GIMD1: variants seen among roughly 807,000 people sequenced by gnomAD.
GIMD1 encodes the protein GTPase IMAP family member GIMD1.
In GIMD1, 14 loss-of-function variants were observed where a neutral mutation model predicts 14.9. The observed-to-expected ratio is 0.94, with a 90% CI of 0.62 to 1.47. GIMD1 has a LOEUF of 1.47. Ranked by LOEUF, GIMD1 falls within the 40% of genes most tolerant of loss-of-function variation. GIMD1 has a pLI of 0.00. For missense variants in GIMD1, 272 were observed against 255.3 expected (o/e 1.07, Z -0.44); for synonymous variants, 91 against 90.5 (o/e 1.01, Z -0.03).
At chr4:106,363,159 T>C (rs1237986917) in intron 2 of GIMD1, among the ~76,000 whole-genome samples, 1 of 152,174 alleles carries the variant, frequency 6.6e-6, no homozygotes. Context: ...AAAAACACTA[T>C]TTCCTAATTT....
intron 2 of GIMD1, among the ~76,000 whole-genome samples, chr4:106,365,440 C>T (rs768836997): frequency 4.0e-4 from 60 of 150,636 alleles, no homozygotes; most frequent in Non-Finnish European, 8.3e-4. Flanking sequence ...AAAAACAATG[C>T]GTGTATCTGT....
At chr4:106,367,465 A>G (rs768171796) in intron 1 of GIMD1, 28 bp from the exon 2 acceptor site, 11 of 1,488,320 alleles carry the variant, frequency 7.4e-6, no homozygotes, top group Non-Finnish European at 1.8e-6. Context: ...CATAGCACGC[A>G]TAATTAGGCT....
intron 2 of GIMD1, among the ~76,000 whole-genome samples, chr4:106,365,863 T>C (rs1770691961): frequency 6.6e-6 from 1 of 151,826 alleles, no homozygotes; most frequent in Admixed American, 6.6e-5. Context: ...TTAGTAATAG[T>C]CTACACAGGG....
intron 1 of GIMD1, among the ~76,000 whole-genome samples, chr4:106,368,006 A>G (rs1158946483): frequency 6.6e-6 from 1 of 152,186 alleles, no homozygotes; most frequent in Non-Finnish European, 1.5e-5. Flanking sequence ...TTCCTATGAA[A>G]TATGAATAAT....
chr4:106,360,059 C>T (rs1228610273), intron 2 of GIMD1, among the ~76,000 whole-genome samples: 1 of 151,976 alleles, frequency 6.6e-6, no homozygotes, highest in East Asian at 1.9e-4. Flanking sequence ...TTTAGACCCT[C>T]ATTGTCATCT....
chr4:106,362,535 A>G (rs1346103135), intron 2 of GIMD1, among the ~76,000 whole-genome samples: 1 of 152,096 alleles, frequency 6.6e-6, no homozygotes, highest in African/African-American at 2.4e-5. Flanking sequence ...TTTTGGGACT[A>G]CTGGTTAGGA....
intron 2 of GIMD1, among the ~76,000 whole-genome samples, chr4:106,361,436 C>A (rs1385122451): frequency 6.6e-6 from 1 of 151,924 alleles, no homozygotes; most frequent in Non-Finnish European, 1.5e-5. Context: ...GATGCAGTCA[C>A]CAGATTCTTA....
At chr4:106,368,045 C>T (rs1267096325) in intron 1 of GIMD1, among the ~76,000 whole-genome samples, 2 of 151,918 alleles carry the variant, frequency 1.3e-5, no homozygotes, top group Non-Finnish European at 2.9e-5. Flanking sequence ...TTCTGCTTAC[C>T]AAATTTTTTT....
At chr4:106,358,811 G>A (rs1653609347) in intron 2 of GIMD1, among the ~76,000 whole-genome samples, 1 of 151,720 alleles carries the variant, frequency 6.6e-6, no homozygotes, top group Admixed American at 6.6e-5. Context: ...AATTTAAGTC[G>A]GAGGACCTTA....
chr4:106,365,815 T>C (rs1013830774), intron 2 of GIMD1, among the ~76,000 whole-genome samples: 14 of 141,026 alleles, frequency 9.9e-5, no homozygotes, highest in Non-Finnish European at 2.3e-4. Flanking sequence ...TTCCAGGAAT[T>C]GTTAGTAATA....
intron 2 of GIMD1, among the ~76,000 whole-genome samples, chr4:106,366,056 C>T (rs1292509303): frequency 2.0e-5 from 3 of 151,976 alleles, no homozygotes; most frequent in Non-Finnish European, 4.4e-5. Context: ...AATAAGCCTC[C>T]AACTTAGTGA....
At chr4:106,361,820 C>T (rs1770617231) in intron 2 of GIMD1, among the ~76,000 whole-genome samples, 2 of 152,036 alleles carry the variant, frequency 1.3e-5, no homozygotes, top group Admixed American at 1.3e-4. Flanking sequence ...TTTTGAAATA[C>T]AGTATTGCTA....
chr4:106,362,317 C>T (rs992191025), intron 2 of GIMD1, among the ~76,000 whole-genome samples: 4 of 152,022 alleles, frequency 2.6e-5, no homozygotes, highest in Non-Finnish European at 4.4e-5. Flanking sequence ...ATAGTCATCA[C>T]GTTAGTGGCC....
chr4:106,367,646 T>A (rs1320414867), intron 1 of GIMD1, among the ~76,000 whole-genome samples: 3 of 151,950 alleles, frequency 2.0e-5, no homozygotes, highest in Non-Finnish European at 2.9e-5. Flanking sequence ...TAGTTTACAA[T>A]GAGAAGGGAG....
intron 2 of GIMD1, among the ~76,000 whole-genome samples, chr4:106,364,740 A>C (rs72878594): frequency 5.9e-5 from 9 of 152,166 alleles, no homozygotes; most frequent in Non-Finnish European, 8.8e-5. Context: ...GCCCTAGCTC[A>C]TCTCCTTGCT....
intron 2 of GIMD1, among the ~76,000 whole-genome samples, chr4:106,365,733 G>C (rs1413774874): frequency 2.0e-5 from 3 of 152,082 alleles, no homozygotes. Flanking sequence ...GATTGACTCA[G>C]ACTGAAGAAT....
intron 2 of GIMD1, among the ~76,000 whole-genome samples, chr4:106,366,781 AT>A (rs1050857694): frequency 8.0e-5 from 12 of 150,928 alleles, no homozygotes; most frequent in African/African-American, 2.7e-4. Flanking sequence ...TAATATCTCA[AT>A]TTTTTTTTCC....
At chr4:106,366,519 C>T (rs908138479) in intron 2 of GIMD1, among the ~76,000 whole-genome samples, 2 of 152,118 alleles carry the variant, frequency 1.3e-5, no homozygotes, top group Non-Finnish European at 2.9e-5. Context: ...CCCTTTGATG[C>T]TGAATGGATG....
In GIMD1 at chr4:106,358,377, C is replaced by T; in HGVS notation, c.460G>A (p.Glu154Lys). 6.5e-7 allele frequency: 1 copy of T among 1,531,690 alleles called. No individual in the cohort carries two copies. The highest frequency in any genetic ancestry group is 8.7e-7 in the Non-Finnish European group (1 of 1,144,686). 94.9% of individuals were successfully genotyped at this position (1,531,690 alleles called of 1,614,324 possible). ...TATTTATCTTCAGTAAGCCCAGCCT[C>T]TTCTATTTTTTCTGCATGGGTAAAA... is the stretch of plus-strand genomic sequence containing the variant. ...ILFTHAEKIE[E>K]AGLTEDKYLH... The change falls in exon 3 of 3, where the codon GAG (glutamate) becomes AAG (lysine). Residue 154 changes from glutamate to lysine, a missense_variant. Glu to Lys is a moderately conservative substitution (Grantham distance 56). Transcript: ENST00000638719.
Sources: allele counts gnomAD v4.1 joint callset (sites outside exome capture counted in the v4.1 genomes callset), GRCh38; gene constraint gnomAD v4.1.1; transcripts MANE v1.5; gene names NCBI Gene and HGNC (gene_info 2026-07-23, HGNC 2026-07-21).